BCAS3: variants seen among roughly 807,000 people sequenced by gnomAD.
BCAS3 encodes BCAS4/BCAS3 fusion.
A neutral mutation model predicts 116.1 loss-of-function variants in BCAS3; 53 were observed. The ratio of observed to expected loss-of-function variants is 0.46; its 90% CI spans 0.37 to 0.57. The LOEUF is 0.57. Ranked by LOEUF, BCAS3 falls within the 20% of genes least tolerant of loss-of-function variation. The pLI is 0.00. For synonymous variants in BCAS3, 391 were observed against 408.2 expected, an observed-to-expected ratio of 0.96 and a Z score of 0.51; for missense variants, 917 against 1,165.4, an observed-to-expected ratio of 0.79 and a Z score of 3.10.
At chr17:61,382,881 T>A (rs1428639064) in intron 23 of BCAS3, 1 of 152,356 alleles carries the variant, frequency 6.6e-6, no homozygotes, top group Non-Finnish European at 1.5e-5. Context: ...TATGGGGAAG[T>A]CCTGGGCAGG....
intron 19 of BCAS3, among the ~76,000 whole-genome samples, chr17:61,042,900 A>AAAAAAAT (rs2067649470): frequency 7.0e-6 from 1 of 142,856 alleles, no homozygotes; most frequent in African/African-American, 3.0e-5. Context: ...ACAAAAAAAA[A>AAAAAAAT]AAAAAAAAAA....
chr17:61,049,279 C>A (rs1202577627), intron 19 of BCAS3, among the ~76,000 whole-genome samples: 1 of 151,670 alleles, frequency 6.6e-6, no homozygotes, highest in Non-Finnish European at 1.5e-5. Context: ...CCAGCCTGGG[C>A]AACAGAGCAA....
chr17:60,784,145 A>G (rs2046069701), intron 6 of BCAS3, among the ~76,000 whole-genome samples: 1 of 151,988 alleles, frequency 6.6e-6, no homozygotes, highest in African/African-American at 2.4e-5. Flanking sequence ...TATATTGAAG[A>G]TGTTAGGCAT....
intron 22 of BCAS3, among the ~76,000 whole-genome samples, chr17:61,269,890 G>A (rs1439972399): frequency 2.0e-5 from 3 of 150,152 alleles, no homozygotes; most frequent in East Asian, 2.0e-4. Flanking sequence ...TGCAACCTCC[G>A]CCTCCCGGGT....
rs538774345 is a variant in BCAS3, at chr17:61,047,408, C to G, written c.2029+6516C>G. ...GTTTCACAGATTAATTTATATATGC[C>G]AACTAAATATATAGATGGTAATCTA... On this transcript the variant is annotated intron_variant, in intron 19 of 23. Transcript: ENST00000407086. Among the ~76,000 whole-genome samples the G allele has an allele frequency of 1.8e-3, 277 of 151,976 alleles. 3 individuals carry two copies. The highest frequency in any genetic ancestry group is 6.0e-3 in the African/African-American group (251 of 41,496).
rs2054731495 is a variant in BCAS3, at chr17:61,316,331, T to C, written c.2426-51996T>C. On this transcript the variant is annotated intron_variant, in intron 22 of 23. Transcript: ENST00000407086. This position sits in a 1 kb window ranked among gnomAD's most constrained non-coding sequence, Gnocchi z 5.8. ...AATAATAATAATATTAATAGTAATA[T>C]AGCAGGTACTTAGTAAATGTGTGCT... Among the ~76,000 whole-genome samples the C allele has an allele frequency of 6.6e-6, 1 of 152,128 alleles. No homozygotes were observed. The highest frequency in any genetic ancestry group is 1.5e-5 in the Non-Finnish European group (1 of 68,028).
intron 22 of BCAS3, among the ~76,000 whole-genome samples, chr17:61,112,412 AC>A (rs2075151114): frequency 9.1e-5 from 1 of 10,982 alleles, no homozygotes; most frequent in Non-Finnish European, 2.2e-4. Flanking sequence ...CAAATGGAAA[AC>A]AAAAAAAGGC....
At chr17:60,742,195 C>T (rs1277198630) in intron 5 of BCAS3, among the ~76,000 whole-genome samples, 4 of 152,070 alleles carry the variant, frequency 2.6e-5, no homozygotes, top group African/African-American at 9.7e-5. Flanking sequence ...GTATCTCTAC[C>T]AGACAAAATT....
rs148907533 is a variant in BCAS3, at chr17:61,160,408, C to T, written c.2425+75844C>T. 2.6e-5 allele frequency among the ~76,000 whole-genome samples: 4 copies of T among 152,218 alleles called. No individual in the cohort carries two copies. In the East Asian group the frequency reaches 7.7e-4, roughly 29 times the overall value. On this transcript the variant is annotated intron_variant, in intron 22 of 23. Coordinates refer to ENST00000407086, the MANE Select transcript of BCAS3 (RefSeq NM_017679.5). Reference sequence around the variant, plus strand: ...GGTTAATATACGGAATTTCCGAGCACTGATCTAATAGAACTTGCTGGGGCA... The same window carrying T: ...GGTTAATATACGGAATTTCCGAGCATTGATCTAATAGAACTTGCTGGGGCA...
chr17:61,392,224 A>T lies in BCAS3; in HGVS notation c.*99A>T. On this transcript the variant is annotated 3_prime_UTR_variant, in exon 24 of 24. Transcript: ENST00000407086. The surrounding 1 kb of genome is among the most constrained non-coding windows in gnomAD (Gnocchi z 6.4). ...ACCCTTCAGTCTCTGCTCTTCCTTC[A>T]TCAACCACCTTCCCCAAGCTTAGTG... The T allele has an allele frequency of 7.3e-7, 1 of 1,378,470 alleles. No individual in the cohort carries two copies. The highest frequency in any genetic ancestry group is 1.4e-5 in the South Asian group (1 of 72,284). The allele number at this position is 1,378,470 out of a possible 1,614,324, so 85.4% of individuals were successfully genotyped here.
At chr17:61,240,079 G>A (rs2047376390) in intron 22 of BCAS3, among the ~76,000 whole-genome samples, 1 of 152,136 alleles carries the variant, frequency 6.6e-6, no homozygotes, top group Non-Finnish European at 1.5e-5. Context: ...TCTTGTAGAT[G>A]TTTGAGATCT....
rs114680684 is a variant in BCAS3, at chr17:61,186,453, A to T, written c.2425+101889A>T. Among the ~76,000 whole-genome samples, 51 of 152,322 alleles carry T rather than the reference A, an allele frequency of 3.3e-4. No individual in the cohort carries two copies. Among genetic ancestry groups the T allele is most frequent in the African/African-American group, 1.2e-3 (48 of 41,576 alleles). On this transcript the variant is annotated intron_variant, in intron 22 of 23. Coordinates refer to ENST00000407086, the MANE Select transcript of BCAS3 (RefSeq NM_017679.5). This position sits in a 1 kb window ranked among gnomAD's most constrained non-coding sequence, Gnocchi z 4.9. ...TAGCTCTGTTTTCAGTGGTATACAC[A>T]TGTCAATTTATGCTGCGTAACTCAG...
rs562155977 is a variant in BCAS3, at chr17:61,387,744, G to T, written c.2594-4233G>T. Among the ~76,000 whole-genome samples the T allele has an allele frequency of 1.2e-4, 19 of 152,292 alleles. No homozygotes were observed. Among genetic ancestry groups the T allele is most frequent in the African/African-American group, 4.6e-4 (19 of 41,572 alleles). ...CGGAGCTGCCAGCACCCTGTGGCCCGCACCAGCACCCGTTCTTTCTTGGGG... is the reference window on the plus strand; with the variant it reads ...CGGAGCTGCCAGCACCCTGTGGCCCTCACCAGCACCCGTTCTTTCTTGGGG... On this transcript the variant is annotated intron_variant, in intron 23 of 23. Coordinates refer to ENST00000407086, the MANE Select transcript of BCAS3 (RefSeq NM_017679.5). This position sits in a 1 kb window ranked among gnomAD's most constrained non-coding sequence, Gnocchi z 6.2.
chr17:61,045,891 TATA>T (rs2068069258), intron 19 of BCAS3, among the ~76,000 whole-genome samples: 2 of 38,776 alleles, frequency 5.2e-5, no homozygotes, highest in South Asian at 1.3e-3. Context: ...ATATTATATA[TATA>T]ATATATATAA....
chr17:60,985,046 C>T (rs1002124375), intron 14 of BCAS3, among the ~76,000 whole-genome samples: 2 of 146,684 alleles, frequency 1.4e-5, no homozygotes, highest in South Asian at 2.1e-4. Flanking sequence ...TGTTTTAATA[C>T]GGGCATACAA....
At chr17:61,114,626 G>C (rs2075307083) in intron 22 of BCAS3, among the ~76,000 whole-genome samples, 1 of 151,976 alleles carries the variant, frequency 6.6e-6, no homozygotes, top group East Asian at 1.9e-4. Context: ...CATGCTCATG[G>C]GTAGGAAGAA....
Position 61,199,937 on chromosome 17 carries a change from T to A in BCAS3, c.2425+115373T>A, listed in dbSNP as rs983966082. On this transcript the variant is annotated intron_variant, in intron 22 of 23. Coordinates refer to ENST00000407086, the MANE Select transcript of BCAS3 (RefSeq NM_017679.5). The surrounding 1 kb of genome is among the most constrained non-coding windows in gnomAD (Gnocchi z 4.6). ...CTCTTGCTTTTTGATCTTTCTTGGT[T>A]CTTTAGTTTTTGCCTACTTCCTCCA... 6.6e-6 allele frequency among the ~76,000 whole-genome samples: 1 copy of A among 152,204 alleles called. No homozygotes were observed. Among genetic ancestry groups the A allele is most frequent in the Non-Finnish European group, 1.5e-5 (1 of 68,038 alleles).
intron 19 of BCAS3, among the ~76,000 whole-genome samples, chr17:61,046,035 T>A (rs1473854737): frequency 3.2e-4 from 4 of 12,326 alleles, no homozygotes; most frequent in Non-Finnish European, 4.5e-4. Context: ...ATATATATAT[T>A]TATATATATA....
At chr17:60,768,433 T>C (rs924221024) in intron 6 of BCAS3, among the ~76,000 whole-genome samples, 3 of 152,162 alleles carry the variant, frequency 2.0e-5, no homozygotes. Flanking sequence ...TGGCCTAACC[T>C]CCCAGCCTAC....
Sources: gnomAD v4.1 joint callset for allele counts (sites outside exome capture counted in the v4.1 genomes callset) on GRCh38, gnomAD v4.1.1 for gene constraint, Gnocchi (gnomAD v3.1) non-coding constraint, MANE v1.5 for transcripts, NCBI Gene and HGNC (gene_info 2026-07-23, HGNC 2026-07-21) for gene names.